The following RBPJ variants were observed in gnomAD, a reference collection of about 807,000 sequenced individuals.
RBPJ encodes recombining binding protein suppressor of hairless.
In RBPJ, 9 loss-of-function variants were observed where a neutral mutation model predicts 67.8. The observed-to-expected ratio is 0.13, with a 90% CI of 0.08 to 0.23. The LOEUF (loss-of-function observed/expected upper bound fraction) is 0.23, where lower values mean the gene tolerates loss of function less well. RBPJ is among the 10% of genes least tolerant of loss of function. The pLI, the probability that RBPJ is intolerant of heterozygous loss-of-function variation, is 1.00. For missense variants in RBPJ, 305 were observed against 595.6 expected (o/e 0.51, Z 5.08); for synonymous variants, 198 against 203.3 (o/e 0.97, Z 0.22).
At chr4:26,219,248 C>T (rs956199347) in intron 1 of RBPJ, among the ~76,000 whole-genome samples, 1 of 152,150 alleles carries the variant, frequency 6.6e-6, no homozygotes, top group African/African-American at 2.4e-5. Context: ...CTACCAGCCA[C>T]GAGTCTTATT....
intron 2 of RBPJ, among the ~76,000 whole-genome samples, chr4:26,402,947 A>G (rs2109728559): frequency 6.6e-6 from 1 of 152,270 alleles, no homozygotes; most frequent in South Asian, 2.1e-4. Context: ...CTTCTCCCAA[A>G]ACAAAAGATA....
the RBPJ span, among the ~76,000 whole-genome samples, chr4:26,156,725 G>A: frequency 2.0e-5 from 3 of 151,960 alleles, no homozygotes; most frequent in African/African-American, 7.2e-5. Context: ...AAAGTGCTGG[G>A]ATTACAGACA....
intron 1 of RBPJ, among the ~76,000 whole-genome samples, chr4:26,359,154 ATATT>A (rs549389463): frequency 4.5e-4 from 69 of 152,342 alleles, no homozygotes; most frequent in Non-Finnish European, 8.4e-4. Context: ...CGGAACGTAC[ATATT>A]TATATTTATT....
chr4:26,167,267 C>T (rs1716355805), intron 1 of RBPJ, among the ~76,000 whole-genome samples: 1 of 151,904 alleles, frequency 6.6e-6, no homozygotes, highest in African/African-American at 2.4e-5. Context: ...TCATTGGTAG[C>T]TTGATGGGGA....
intron 1 of RBPJ, among the ~76,000 whole-genome samples, chr4:26,174,333 C>T (rs1512105): frequency 0.37 from 56,706 of 152,052 alleles, 12,116 homozygotes; most frequent in Non-Finnish European, 0.48. Context: ...ACTGACACGG[C>T]GTAAATTTCT....
the RBPJ span, among the ~76,000 whole-genome samples, chr4:26,114,348 A>G: frequency 6.6e-6 from 1 of 151,462 alleles, no homozygotes; most frequent in African/African-American, 2.4e-5. Context: ...AATCCCAGCT[A>G]CTCAAGAGGC....
intron 1 of RBPJ, among the ~76,000 whole-genome samples, chr4:26,324,259 C>G (rs1723383754): frequency 6.6e-6 from 1 of 152,082 alleles, no homozygotes; most frequent in Non-Finnish European, 1.5e-5. Flanking sequence ...TGGCAAGACA[C>G]AGTAGCGATA....
At chr4:26,124,448 AT>A in the RBPJ span, among the ~76,000 whole-genome samples, 1 of 115,942 alleles carries the variant, frequency 8.6e-6, no homozygotes, top group African/African-American at 3.2e-5. Context: ...ATATATATAT[AT>A]ATATATATAT....
At chr4:26,245,203 A>ATTT (rs869234645) in intron 1 of RBPJ, among the ~76,000 whole-genome samples, 161 of 98,402 alleles carry the variant, frequency 1.6e-3, no homozygotes, top group African/African-American at 2.7e-3. Context: ...TCACTATTGT[A>ATTT]TTTTTTTTTT....
intron 1 of RBPJ, among the ~76,000 whole-genome samples, chr4:26,211,048 C>G (rs1476459640): frequency 6.6e-6 from 1 of 152,028 alleles, no homozygotes; most frequent in Admixed American, 6.6e-5. Context: ...TGTATAGACT[C>G]CCATAACTTT....
At chr4:26,145,557 C>A in the RBPJ span, among the ~76,000 whole-genome samples, 1 of 152,170 alleles carries the variant, frequency 6.6e-6, no homozygotes, top group South Asian at 2.1e-4. Flanking sequence ...CCCACGTAAG[C>A]TCTTTAGAGG....
rs1491187142 is a variant in RBPJ at position 26,270,387 on chromosome 4, AAG to A, written c.-166-92057_-166-92056del. On this transcript the variant is annotated intron_variant, in intron 1 of 4. Transcript: ENST00000512351. ...AAAGAAAGAAAGAAAGAAAGAAAGA[AAG>A]AAAGAAAGAAAGAAAGAAAGAAAGA... 9.7e-4 allele frequency among the ~76,000 whole-genome samples: 52 copies of A among 53,806 alleles called. 3 individuals are homozygous for A. The highest frequency in any genetic ancestry group is 2.7e-3 in the African/African-American group (50 of 18,566). The allele number at this position is 53,806 out of a possible 152,430, so 35.3% of individuals were successfully genotyped here. A position where few individuals can be genotyped will look rare whatever the true frequency, so the allele number is the denominator to read the frequency against.
At chr4:26,320,884 CGCG>C (rs1046589531), upstream of RBPJ, 2 of 1,580,962 alleles carry the variant, frequency 1.3e-6, no homozygotes, top group African/African-American at 1.3e-5. Flanking sequence ...TCTGGCTCTT[CGCG>C]GCGGCGGCGA....
intron 1 of RBPJ, among the ~76,000 whole-genome samples, chr4:26,297,472 T>A (rs950543937): frequency 6.6e-6 from 1 of 152,020 alleles, no homozygotes; most frequent in Non-Finnish European, 1.5e-5. Context: ...TGACTGAGAA[T>A]GTCGATGGAA....
intron 1 of RBPJ, among the ~76,000 whole-genome samples, chr4:26,301,113 T>C (rs1722060522): frequency 6.6e-6 from 1 of 152,234 alleles, no homozygotes; most frequent in Admixed American, 6.5e-5. Flanking sequence ...GTATGTTACA[T>C]GTGTTACTTA....
chr4:26,276,765 T>G (rs1263357657), intron 1 of RBPJ, among the ~76,000 whole-genome samples: 1 of 152,224 alleles, frequency 6.6e-6, no homozygotes, highest in African/African-American at 2.4e-5. Context: ...ACTGAGCACA[T>G]ACTATGTTAA....
chr4:26,111,796 G>C, the RBPJ span: 1 of 154,784 alleles, frequency 6.5e-6, no homozygotes, highest in Admixed American at 6.5e-5. Context: ...CATTGAAAAG[G>C]GTCATTTCTA....
intron 1 of RBPJ, among the ~76,000 whole-genome samples, chr4:26,224,883 T>C (rs1173910489): frequency 6.6e-6 from 1 of 152,208 alleles, no homozygotes; most frequent in Non-Finnish European, 1.5e-5. Context: ...CTCAAAGGAA[T>C]TCCTGTCCCA....
the RBPJ span, among the ~76,000 whole-genome samples, chr4:26,149,356 A>G: frequency 6.6e-6 from 1 of 152,186 alleles, no homozygotes; most frequent in Non-Finnish European, 1.5e-5. Flanking sequence ...GTCAAGTGAG[A>G]TAATGGTAGA....
Sources: allele counts gnomAD v4.1 joint callset (sites outside exome capture counted in the v4.1 genomes callset), GRCh38; gene constraint gnomAD v4.1.1; transcripts MANE v1.5; gene names NCBI Gene and HGNC (gene_info 2026-07-23, HGNC 2026-07-21).